ARFGEF1: variants seen among roughly 807,000 people sequenced by gnomAD.
ARFGEF1 encodes the protein ARF guanine nucleotide exchange factor 1, also known as brefeldin A-inhibited guanine nucleotide-exchange protein 1.
A neutral mutation model predicts 231.0 loss-of-function variants in ARFGEF1; 42 were observed. The observed-to-expected ratio is 0.18, with a 90% CI of 0.14 to 0.24. ARFGEF1 has a LOEUF of 0.24. ARFGEF1 is among the 10% of genes least tolerant of loss of function. The probability of loss-of-function intolerance (pLI) is 1.00; values close to 1 mark genes in which losing one functional copy is unlikely to be tolerated. For missense variants in ARFGEF1, 1,345 were observed against 2,192.0 expected, an observed-to-expected ratio of 0.61 and a Z score of 7.72; for synonymous variants, 710 against 732.3, an observed-to-expected ratio of 0.97 and a Z score of 0.49.
chr8:67,204,944 A>G, intron 34 of ARFGEF1, 125 bp from the exon 35 acceptor site: 2 of 1,177,398 alleles, frequency 1.7e-6, no homozygotes, highest in African/African-American at 1.5e-5. Flanking sequence ...TGAGAAGGAC[A>G]TACTGCTTTT....
At chr8:67,212,891 T>C (rs1405574569) in intron 33 of ARFGEF1, among the ~76,000 whole-genome samples, 2 of 152,208 alleles carry the variant, frequency 1.3e-5, no homozygotes, top group East Asian at 1.9e-4. Context: ...ATTTCTAAAA[T>C]GTTCTCTCCA....
chr8:67,179,789 CTCT>C, intron 5 of ARFGEF1: 3 of 993,856 alleles, frequency 3.0e-6, no homozygotes, highest in African/African-American at 1.6e-5. Context: ...AAACTTGTGC[CTCT>C]TCTTAGTATA....
intron 1 of ARFGEF1, among the ~76,000 whole-genome samples, chr8:67,333,132 A>G (rs1808180453): frequency 6.7e-6 from 1 of 149,234 alleles, no homozygotes; most frequent in Non-Finnish European, 1.5e-5. Context: ...ACCTCCCGGG[A>G]TCAAGCGATT....
chr8:67,328,217 G>A (rs532876538), intron 1 of ARFGEF1, among the ~76,000 whole-genome samples: 4 of 152,182 alleles, frequency 2.6e-5, no homozygotes, highest in South Asian at 4.1e-4. Flanking sequence ...GGCTGAAACT[G>A]TTATAATTTT....
intron 5 of ARFGEF1, among the ~76,000 whole-genome samples, chr8:67,180,804 A>C (rs1832816415): frequency 6.6e-6 from 1 of 152,120 alleles, no homozygotes; most frequent in Non-Finnish European, 1.5e-5. Context: ...CAAAAAAGTC[A>C]TAAGACTTTT....
chr8:67,188,165 CAAAG>C (rs1044812425), intron 5 of ARFGEF1, among the ~76,000 whole-genome samples: 3 of 152,172 alleles, frequency 2.0e-5, no homozygotes, highest in African/African-American at 7.2e-5. Flanking sequence ...CCAAAATACA[CAAAG>C]AAATCTTAAA....
Position 67,198,477 on chromosome 8 carries a change from T to C in ARFGEF1, c.*457A>G, listed in dbSNP as rs1838192395. The C allele has an allele frequency of 4.0e-6, 4 of 989,304 alleles. No individual in the cohort carries two copies. The highest frequency in any genetic ancestry group is 1.2e-6 in the Non-Finnish European group (1 of 832,522). 61.3% of individuals were successfully genotyped at this position (989,304 alleles called of 1,614,324 possible). A position where few individuals can be genotyped will look rare whatever the true frequency, so the allele number is the denominator to read the frequency against. ...AAAAATCTTCAGAATAAGAATACCATAGTTGCTAAATATCTTTTACCATGA... is the reference window on the plus strand; with the variant it reads ...AAAAATCTTCAGAATAAGAATACCACAGTTGCTAAATATCTTTTACCATGA... On this transcript the variant is annotated 3_prime_UTR_variant, in exon 39 of 39. Transcript: ENST00000262215.
intron 7 of ARFGEF1, among the ~76,000 whole-genome samples, chr8:67,284,191 T>C (rs1563888177): frequency 6.6e-6 from 1 of 152,166 alleles, no homozygotes; most frequent in Non-Finnish European, 1.5e-5. Context: ...AATAGAATAA[T>C]TTCTAATATG....
At chr8:67,256,454 T>A (rs1840456987) in intron 17 of ARFGEF1, among the ~76,000 whole-genome samples, 1 of 152,168 alleles carries the variant, frequency 6.6e-6, no homozygotes, top group Non-Finnish European at 1.5e-5. Context: ...ATACTTTCCT[T>A]ATCTACTCTG....
intron 1 of ARFGEF1, among the ~76,000 whole-genome samples, chr8:67,335,389 G>C (rs1808298021): frequency 6.6e-6 from 1 of 152,122 alleles, no homozygotes; most frequent in Admixed American, 6.5e-5. Context: ...ACAGGCGCCA[G>C]CCACCACGCC....
intron 7 of ARFGEF1, among the ~76,000 whole-genome samples, chr8:67,282,573 C>T (rs1314160855): frequency 2.6e-5 from 4 of 151,886 alleles, no homozygotes; most frequent in East Asian, 1.9e-4. Context: ...ATAGGCCAGG[C>T]GCGGTGGCTC....
In ARFGEF1 at chr8:67,288,026, T is replaced by A. The variant is rs756572458; in HGVS notation, c.956A>T (p.His319Leu). ...KNEVLYDGENHDCEEKPQDIV... is the reference protein window; with the variant it reads ...KNEVLYDGENLDCEEKPQDIV... ...GTCTTGTGGCTTTTCCTCACAATCA[T>A]GGTTTTCTCCGTCATATAACACTTC... Residue 319 changes from histidine to leucine, a missense_variant, in exon 7 of 39, where the codon CAT becomes CTT. Transcript: ENST00000262215. 1 of 1,608,264 alleles carries A rather than the reference T, an allele frequency of 6.2e-7. No individual in the cohort carries two copies.
chr8:67,343,087 G>GGGCCCCC, intron 1 of ARFGEF1, 77 bp downstream of exon 1: 3 of 971,350 alleles, frequency 3.1e-6, no homozygotes, highest in Non-Finnish European at 4.4e-6. Context: ...AGCCCCGGGC[G>GGGCCCCC]ACCCCACCCC....
intron 35 of ARFGEF1, 52 bp from the exon 36 acceptor site, chr8:67,203,303 T>C (rs531390548): frequency 6.3e-6 from 10 of 1,583,392 alleles, no homozygotes; most frequent in Non-Finnish European, 8.6e-6. Flanking sequence ...ATAATTTTAC[T>C]TGATTTACAA....
chr8:67,188,565 T>C (rs995931283), intron 5 of ARFGEF1, among the ~76,000 whole-genome samples: 1 of 152,198 alleles, frequency 6.6e-6, no homozygotes, highest in Admixed American at 6.5e-5. Flanking sequence ...TCCCATTGTA[T>C]GGGAACTCTA....
intron 16 of ARFGEF1, 121 bp from the exon 17 acceptor site, chr8:67,257,937 A>G: frequency 8.3e-7 from 1 of 1,199,098 alleles, no homozygotes; most frequent in Non-Finnish European, 1.2e-6. Flanking sequence ...ACAATTTTTT[A>G]TGGATTTGTT....
rs1180521239 is a variant in ARFGEF1, at chr8:67,311,512, T to TG, written c.125-9047dup. On this transcript the variant is annotated intron_variant, in intron 1 of 38. Transcript: ENST00000262215. ...CCAGCCGCCCCGTCCGGGAGGGAGGTGGGGGGGGGTCAGCCCCCTGCCTGG... is the reference window on the plus strand; with the variant it reads ...CCAGCCGCCCCGTCCGGGAGGGAGGTGGGGGGGGGGTCAGCCCCCTGCCTGG... Among the ~76,000 whole-genome samples, 217 of 60,156 alleles carry TG rather than the reference T, an allele frequency of 3.6e-3. 5 individuals carry two copies. Among genetic ancestry groups the TG allele is most frequent in the Non-Finnish European group, 4.1e-3 (123 of 30,164 alleles). The allele number at this position is 60,156 out of a possible 152,430, so 39.5% of individuals were successfully genotyped here. A position where few individuals can be genotyped will look rare whatever the true frequency, so the allele number is the denominator to read the frequency against.
At chr8:67,245,799 T>C (rs1438502584) in intron 19 of ARFGEF1, among the ~76,000 whole-genome samples, 2 of 150,024 alleles carry the variant, frequency 1.3e-5, no homozygotes, top group Non-Finnish European at 3.0e-5. Context: ...AAAAGATACA[T>C]AGTGGCTGAA....
intron 6 of ARFGEF1, 136 bp downstream of exon 6, chr8:67,291,711 G>A (rs1313592628): frequency 8.5e-7 from 1 of 1,177,118 alleles, no homozygotes; most frequent in South Asian, 1.6e-5. Context: ...CTACAATGAG[G>A]AAAGTCCACA....
Sources: allele counts gnomAD v4.1 joint callset (sites outside exome capture counted in the v4.1 genomes callset), GRCh38; gene constraint gnomAD v4.1.1; transcripts MANE v1.5; gene names NCBI Gene and HGNC (gene_info 2026-07-23, HGNC 2026-07-21).